Variants in HS3ST5 observed in about 807,000 individuals in gnomAD.
The protein encoded by HS3ST5 is heparan sulfate glucosamine 3-O-sulfotransferase 5.
A neutral mutation model predicts 25.4 loss-of-function variants in HS3ST5; 10 were observed. The ratio of observed to expected loss-of-function variants is 0.39; its 90% CI spans 0.24 to 0.67. HS3ST5 has a LOEUF of 0.67. HS3ST5 is among the 30% of genes least tolerant of loss of function. The pLI is 0.44. For synonymous variants in HS3ST5, 170 were observed against 162.4 expected (o/e 1.05, Z -0.36); for missense variants, 324 against 420.7 (o/e 0.77, Z 2.01).
intron 1 of HS3ST5, among the ~76,000 whole-genome samples, chr6:114,310,361 G>T (rs1050142233): frequency 2.0e-5 from 3 of 152,082 alleles, no homozygotes; most frequent in South Asian, 2.1e-4. Flanking sequence ...TTTTCAGAGA[G>T]ATATGAAAAC....
chr6:114,161,251 T>C (rs1193698589), intron 3 of HS3ST5, among the ~76,000 whole-genome samples: 1 of 151,758 alleles, frequency 6.6e-6, no homozygotes, highest in Non-Finnish European at 1.5e-5. Context: ...AATAGTTGTG[T>C]TGGCTGCCAT....
chr6:114,216,910 T>G (rs1345658273), intron 2 of HS3ST5, among the ~76,000 whole-genome samples: 2 of 152,148 alleles, frequency 1.3e-5, no homozygotes, highest in Non-Finnish European at 2.9e-5. Flanking sequence ...TTTCAGGCAG[T>G]TGCATTTCTC....
chr6:114,069,249 CT>C (rs1773644309), intron 3 of HS3ST5, among the ~76,000 whole-genome samples: 1 of 152,096 alleles, frequency 6.6e-6, no homozygotes, highest in African/African-American at 2.4e-5. Flanking sequence ...GGGCAACAGC[CT>C]TATGAGGTGG....
chr6:114,084,533 G>T (rs1158875799), intron 3 of HS3ST5: 10 of 759,484 alleles, frequency 1.3e-5, no homozygotes, highest in Non-Finnish European at 2.2e-5. Flanking sequence ...GGCGTCCACC[G>T]CATCACACCC....
At chr6:114,165,033 C>T (rs1161734812) in intron 3 of HS3ST5, among the ~76,000 whole-genome samples, 4 of 152,072 alleles carry the variant, frequency 2.6e-5, no homozygotes, top group Non-Finnish European at 4.4e-5. Flanking sequence ...GGGCTGTATC[C>T]CATTGAGGTT....
chr6:114,134,272 G>C (rs1777487239), intron 3 of HS3ST5, among the ~76,000 whole-genome samples: 1 of 152,150 alleles, frequency 6.6e-6, no homozygotes, highest in South Asian at 2.1e-4. Flanking sequence ...AGGAGCGTAT[G>C]ATTATTGCCA....
At chr6:114,292,467 A>C (rs1187957116) in intron 1 of HS3ST5, among the ~76,000 whole-genome samples, 2 of 152,198 alleles carry the variant, frequency 1.3e-5, no homozygotes, top group Non-Finnish European at 1.5e-5. Context: ...ACCTCCCAAA[A>C]GTCCCCACTT....
At chr6:114,207,771 A>ACTAT (rs1416792327) in intron 2 of HS3ST5, among the ~76,000 whole-genome samples, 1 of 152,194 alleles carries the variant, frequency 6.6e-6, no homozygotes, top group African/African-American at 2.4e-5. Flanking sequence ...ATTATATTGT[A>ACTAT]CTATCTATAG....
chr6:114,309,919 T>C (rs963896417), intron 1 of HS3ST5, among the ~76,000 whole-genome samples: 1 of 152,206 alleles, frequency 6.6e-6, no homozygotes. Flanking sequence ...AACTTTGATT[T>C]CATAAATATA....
At chr6:114,231,149 T>C (rs533617955) in intron 1 of HS3ST5, among the ~76,000 whole-genome samples, 1 of 152,246 alleles carries the variant, frequency 6.6e-6, no homozygotes, top group East Asian at 1.9e-4. Context: ...GGTATGGTCA[T>C]TTAAAAGTGT....
intron 2 of HS3ST5, among the ~76,000 whole-genome samples, chr6:114,196,567 C>T (rs985158106): frequency 2.0e-5 from 3 of 151,538 alleles, no homozygotes; most frequent in Non-Finnish European, 4.4e-5. Flanking sequence ...AAACAGGGAG[C>T]GGCCCTCGTG....
intron 1 of HS3ST5, chr6:114,230,073 A>G (rs766850436): frequency 6.6e-5 from 10 of 150,746 alleles, no homozygotes; most frequent in Non-Finnish European, 5.9e-5. Context: ...AGAAGGTTTC[A>G]TGATGCAGAG....
intron 1 of HS3ST5, among the ~76,000 whole-genome samples, chr6:114,264,682 G>A (rs1447942904): frequency 6.6e-6 from 1 of 152,102 alleles, no homozygotes; most frequent in Non-Finnish European, 1.5e-5. Context: ...CCTATCAGAT[G>A]TTCAGTGAAA....
chr6:114,256,366 G>C lies in HS3ST5; in HGVS notation c.-338-27588C>G, dbSNP rs544565001. On this transcript the variant is annotated intron_variant, in intron 1 of 4. Coordinates refer to ENST00000312719, the MANE Select transcript of HS3ST5 (RefSeq NM_153612.4). Reference sequence around the variant, plus strand: ...TTGCGCCACTGCACTCCAGCCTGGAGGACAGAGCAAGACTCCCTCTCAAAA... The same window carrying C: ...TTGCGCCACTGCACTCCAGCCTGGACGACAGAGCAAGACTCCCTCTCAAAA... Among the ~76,000 whole-genome samples, 438 of 151,014 alleles carry C rather than the reference G, an allele frequency of 2.9e-3. 1 individual carries two copies. Among genetic ancestry groups the C allele is most frequent in the African/African-American group, 0.01 (425 of 41,106 alleles).
chr6:114,119,592 A>C (rs1319519537), intron 3 of HS3ST5, among the ~76,000 whole-genome samples: 11 of 152,210 alleles, frequency 7.2e-5, no homozygotes, highest in African/African-American at 2.7e-4. Flanking sequence ...AGAAGCGAAT[A>C]TGAAAGATTT....
intron 2 of HS3ST5, among the ~76,000 whole-genome samples, chr6:114,211,513 G>C (rs1233375489): frequency 1.3e-5 from 2 of 152,074 alleles, no homozygotes; most frequent in Non-Finnish European, 2.9e-5. Flanking sequence ...CATTTTATAT[G>C]ATGGCTATAT....
chr6:114,118,234 A>C (rs1447896405), intron 3 of HS3ST5, among the ~76,000 whole-genome samples: 1 of 152,184 alleles, frequency 6.6e-6, no homozygotes, highest in African/African-American at 2.4e-5. Context: ...ACATCTATAC[A>C]ATTATTGCCA....
intron 2 of HS3ST5, among the ~76,000 whole-genome samples, chr6:114,209,124 C>G (rs1251006880): frequency 1.3e-5 from 2 of 152,126 alleles, no homozygotes; most frequent in Non-Finnish European, 2.9e-5. Context: ...TTCAGAATCA[C>G]TTCATCATTG....
At chr6:114,204,782 T>G (rs928290498) in intron 2 of HS3ST5, among the ~76,000 whole-genome samples, 4 of 152,332 alleles carry the variant, frequency 2.6e-5, no homozygotes, top group African/African-American at 9.6e-5. Context: ...TTTACTTGAT[T>G]TTCATAGAAA....
Sources: gnomAD v4.1 joint callset for allele counts (sites outside exome capture counted in the v4.1 genomes callset) on GRCh38, gnomAD v4.1.1 for gene constraint, MANE v1.5 for transcripts, NCBI Gene and HGNC (gene_info 2026-07-23, HGNC 2026-07-21) for gene names.